The following INPP4B variants were observed in gnomAD, a reference collection of about 807,000 sequenced individuals.
INPP4B encodes the protein inositol polyphosphate-4-phosphatase type II B.
INPP4B carries 55 observed loss-of-function variants against 122.5 expected under a neutral mutation model. That is an observed-to-expected ratio of 0.45 (90% CI 0.36 to 0.56). INPP4B has a LOEUF of 0.56. INPP4B is among the 20% of genes least tolerant of loss of function. The probability of loss-of-function intolerance (pLI) is 0.00; values close to 1 mark genes in which losing one functional copy is unlikely to be tolerated. For missense variants in INPP4B, 1,000 were observed against 1,097.7 expected (o/e 0.91, Z 1.26); for synonymous variants, 403 against 388.7 (o/e 1.04, Z -0.43).
At chr4:142,275,865 A>T (rs1183538104) in intron 9 of INPP4B, among the ~76,000 whole-genome samples, 1 of 151,696 alleles carries the variant, frequency 6.6e-6, no homozygotes, top group Non-Finnish European at 1.5e-5. Context: ...TTTTATGAAG[A>T]TCTACCCCAA....
chr4:142,630,449 A>T (rs954429310), intron 2 of INPP4B, among the ~76,000 whole-genome samples: 2 of 152,078 alleles, frequency 1.3e-5, no homozygotes, highest in African/African-American at 4.8e-5. Context: ...TTCTTCTGGG[A>T]GGTGAGGTAG....
intron 2 of INPP4B, 64 bp downstream of exon 2, chr4:142,725,775 A>T (rs1580782787): frequency 2.5e-6 from 1 of 396,966 alleles, no homozygotes; most frequent in East Asian, 3.6e-5. Flanking sequence ...TAATCAAGGA[A>T]AGTCAACTAG....
At chr4:142,830,268 A>G (rs1168236272) in intron 1 of INPP4B, among the ~76,000 whole-genome samples, 1 of 152,192 alleles carries the variant, frequency 6.6e-6, no homozygotes, top group African/African-American at 2.4e-5. Flanking sequence ...GAATTTTTCT[A>G]AGGGATTAAT....
At chr4:142,441,027 A>T (rs2149440024) in intron 3 of INPP4B, among the ~76,000 whole-genome samples, 1 of 152,322 alleles carries the variant, frequency 6.6e-6, no homozygotes, top group Non-Finnish European at 1.5e-5. Context: ...CTAGCAAGAC[A>T]AGCGGAGATC....
chr4:142,819,154 A>G (rs1217546044), intron 1 of INPP4B, among the ~76,000 whole-genome samples: 1 of 152,188 alleles, frequency 6.6e-6, no homozygotes, highest in Non-Finnish European at 1.5e-5. Flanking sequence ...GGGTAAAAGA[A>G]AGATCAAGAA....
chr4:142,577,740 C>T (rs1734163382), intron 2 of INPP4B, among the ~76,000 whole-genome samples: 1 of 151,830 alleles, frequency 6.6e-6, no homozygotes, highest in Non-Finnish European at 1.5e-5. Flanking sequence ...AGAATAGTGC[C>T]TTGAACTTAA....
intron 2 of INPP4B, among the ~76,000 whole-genome samples, chr4:142,716,307 C>T (rs1008541157): frequency 1.3e-5 from 2 of 152,192 alleles, no homozygotes; most frequent in African/African-American, 2.4e-5. Context: ...TGTTTAATAA[C>T]ATACACATAC....
At chr4:142,667,972 T>C (rs567815587) in intron 2 of INPP4B, among the ~76,000 whole-genome samples, 96 of 152,234 alleles carry the variant, frequency 6.3e-4, no homozygotes, top group Non-Finnish European at 8.4e-4. Flanking sequence ...TGTCAAATAT[T>C]TAAAGAAGAC....
intron 23 of INPP4B, among the ~76,000 whole-genome samples, chr4:142,107,265 C>T (rs1186173906): frequency 2.6e-5 from 4 of 152,098 alleles, no homozygotes; most frequent in Non-Finnish European, 5.9e-5. Flanking sequence ...CTATTTCACA[C>T]TAAATAACAG....
chr4:142,799,943 A>G (rs1439451943), intron 1 of INPP4B, among the ~76,000 whole-genome samples: 2 of 152,064 alleles, frequency 1.3e-5, no homozygotes, highest in Admixed American at 1.3e-4. Context: ...ACACTCTTAT[A>G]CATAAAATCT....
intron 10 of INPP4B, among the ~76,000 whole-genome samples, chr4:142,269,189 T>A (rs1157649758): frequency 6.6e-6 from 1 of 152,220 alleles, no homozygotes; most frequent in African/African-American, 2.4e-5. Context: ...ATGAGAGGAA[T>A]GCATAATTGA....
intron 1 of INPP4B, among the ~76,000 whole-genome samples, chr4:142,728,506 G>A (rs905440677): frequency 6.6e-6 from 1 of 152,142 alleles, no homozygotes; most frequent in Non-Finnish European, 1.5e-5. Context: ...ATTAAGATGA[G>A]GTTATGCTAG....
intron 25 of INPP4B, among the ~76,000 whole-genome samples, chr4:142,032,023 CAG>C (rs921125128): frequency 1.3e-5 from 2 of 152,060 alleles, no homozygotes; most frequent in African/African-American, 2.4e-5. Context: ...GAGACAGAGA[CAG>C]AGAGAATTTT....
At chr4:142,411,093 T>C (rs1804505793) in intron 5 of INPP4B, among the ~76,000 whole-genome samples, 1 of 152,230 alleles carries the variant, frequency 6.6e-6, no homozygotes, top group East Asian at 1.9e-4. Context: ...ATCAGATGTG[T>C]ACACTTGCAC....
chr4:142,444,999 C>T (rs932146068), intron 3 of INPP4B, among the ~76,000 whole-genome samples: 5 of 152,028 alleles, frequency 3.3e-5, no homozygotes, highest in African/African-American at 9.7e-5. Flanking sequence ...GAACATCACA[C>T]ACCAGGGCCT....
At chr4:142,353,587 C>A (rs10012674) in intron 7 of INPP4B, among the ~76,000 whole-genome samples, 3 of 151,958 alleles carry the variant, frequency 2.0e-5, no homozygotes, top group African/African-American at 4.8e-5. Flanking sequence ...TGTATATATA[C>A]GTGCATATAC....
chr4:142,695,524 G>C (rs1760904763), intron 2 of INPP4B, among the ~76,000 whole-genome samples: 1 of 152,084 alleles, frequency 6.6e-6, no homozygotes, highest in African/African-American at 2.4e-5. Flanking sequence ...TAATGCAGCT[G>C]TCACTTCCCT....
At chr4:142,254,124 C>T (rs1381502425) in intron 11 of INPP4B, among the ~76,000 whole-genome samples, 2 of 152,138 alleles carry the variant, frequency 1.3e-5, no homozygotes, top group Admixed American at 6.6e-5. Context: ...GGTACTCCAA[C>T]AGACCTGCAG....
intron 5 of INPP4B, among the ~76,000 whole-genome samples, chr4:142,419,342 C>T (rs1398224440): frequency 6.6e-6 from 1 of 152,010 alleles, no homozygotes; most frequent in African/African-American, 2.4e-5. Flanking sequence ...AAGCTGTGGG[C>T]CTTGGAATTG....
Sources: allele counts gnomAD v4.1 joint callset (sites outside exome capture counted in the v4.1 genomes callset), GRCh38; gene constraint gnomAD v4.1.1; transcripts MANE v1.5; gene names NCBI Gene and HGNC (gene_info 2026-07-23, HGNC 2026-07-21).